The following NFASC variants were observed in gnomAD, a reference collection of about 807,000 sequenced individuals.
The protein encoded by NFASC is neurofascin homolog.
NFASC carries 43 observed loss-of-function variants against 147.5 expected under a neutral mutation model. The observed-to-expected ratio is 0.29, with a 90% CI of 0.23 to 0.38. NFASC has a LOEUF of 0.38. Ranked by LOEUF, NFASC falls within the 10% of genes least tolerant of loss-of-function variation. The pLI, the probability that NFASC is intolerant of heterozygous loss-of-function variation, is 1.00. For synonymous variants in NFASC, 622 were observed against 665.5 expected, an observed-to-expected ratio of 0.93 and a Z score of 1.01; for missense variants, 1,320 against 1,689.0, an observed-to-expected ratio of 0.78 and a Z score of 3.83.
At chr1:204,972,248 T>C (rs1457525164) in intron 11 of NFASC, among the ~76,000 whole-genome samples, 1 of 152,234 alleles carries the variant, frequency 6.6e-6, no homozygotes, top group Non-Finnish European at 1.5e-5. Flanking sequence ...AATGCGTTCA[T>C]GTACTCTGTA....
At chr1:204,943,674 A>G (rs1427859813) in intron 2 of NFASC, among the ~76,000 whole-genome samples, 1 of 152,140 alleles carries the variant, frequency 6.6e-6, no homozygotes, top group Non-Finnish European at 1.5e-5. Flanking sequence ...TCGTCCTGGG[A>G]TCAAAGGACA....
chr1:204,943,096 G>A (rs2093473161), intron 2 of NFASC, among the ~76,000 whole-genome samples: 1 of 152,340 alleles, frequency 6.6e-6, no homozygotes, highest in South Asian at 2.1e-4. Flanking sequence ...ATAGGAGCAG[G>A]AGAATGATGT....
Position 204,997,341 on chromosome 1 carries a change from C to T in NFASC, c.2954C>T (p.Ala985Val). ...TTVATTTTTT[A>V]AATTTTESPP... ...GTCGCCACAACTACTACAACCACTG[C>T]TGCCGCCACCACCACCACGGAGAGT... The change falls in exon 25 of 30, where the codon GCT becomes GTT. Residue 985 changes from alanine (A) to valine (V), a missense_variant. Physicochemically the swap from Ala to Val is moderately conservative, Grantham distance 64. Coordinates refer to ENST00000339876, the MANE Select transcript of NFASC (RefSeq NM_001005388.3). The T allele has an allele frequency of 6.4e-7, 1 of 1,563,676 alleles. No homozygotes were observed. The highest frequency in any genetic ancestry group is 8.7e-7 in the Non-Finnish European group (1 of 1,154,110).
At chr1:204,837,553 A>G (rs1003155654) in intron 1 of NFASC, among the ~76,000 whole-genome samples, 2 of 152,164 alleles carry the variant, frequency 1.3e-5, no homozygotes, top group African/African-American at 4.8e-5. Context: ...GTGTTAGAAG[A>G]AGTGGGTGGG....
chr1:204,899,434 T>C (rs1425468716), intron 1 of NFASC, among the ~76,000 whole-genome samples: 2 of 152,172 alleles, frequency 1.3e-5, no homozygotes, highest in East Asian at 3.9e-4. Flanking sequence ...TCTCTCTCCT[T>C]TCCCCCAGTC....
chr1:204,952,018 G>A lies in NFASC; in HGVS notation c.117G>A (p.Gln39=), dbSNP rs1233784653. ...MDPSIQNELT[Q]PPTITKQSAK... ...CCCTGTGCACTGTTGCAGTGACGCA[G>A]CCGCCAACCATCACCAAGCAGTCAG... is the stretch of plus-strand genomic sequence containing the variant. The change falls in exon 5 of 30, where the codon CAG becomes CAA. Residue 39 remains glutamine, a synonymous_variant. Coordinates refer to ENST00000339876, the MANE Select transcript of NFASC (RefSeq NM_001005388.3). 1 of 1,614,038 alleles carries A rather than the reference G, an allele frequency of 6.2e-7. No homozygotes were observed. The highest frequency in any genetic ancestry group is 2.2e-5 in the East Asian group (1 of 44,868).
chr1:204,952,178 C>A, intron 5 of NFASC, 62 bp downstream of exon 5: 2 of 1,297,838 alleles, frequency 1.5e-6, no homozygotes, highest in Non-Finnish European at 2.2e-6. Flanking sequence ...CTGATGATAA[C>A]TAAGGCAAAT....
In NFASC at chr1:204,979,245, T is replaced by C. The variant is rs761305677; in HGVS notation, c.1979-117T>C. 4.9e-6 allele frequency: 5 copies of C among 1,018,012 alleles called. No homozygotes were observed. The highest frequency in any genetic ancestry group is 1.6e-5 in the African/African-American group (1 of 63,058). 63.1% of individuals were successfully genotyped at this position (1,018,012 alleles called of 1,614,324 possible). A position where few individuals can be genotyped will look rare whatever the true frequency, so the allele number is the denominator to read the frequency against. On this transcript the variant is annotated intron_variant, in intron 18 of 29. Transcript: ENST00000339876. This position sits in a 1 kb window ranked among gnomAD's most constrained non-coding sequence, Gnocchi z 6.0. The stretch of plus-strand genomic sequence containing the variant: ...CCTGTGCCTTGGGAAGAATTCTCCT[T>C]GTGCCTTTGTGTGAGAGAGATTATA...
chr1:204,951,415 C>G (rs1345090585), intron 4 of NFASC, among the ~76,000 whole-genome samples: 2 of 150,524 alleles, frequency 1.3e-5, no homozygotes, highest in Admixed American at 1.3e-4. Context: ...CCATCCGCCT[C>G]AGCCTCTCAA....
chr1:204,847,804 T>C (rs1454699988), intron 1 of NFASC, among the ~76,000 whole-genome samples: 1 of 152,156 alleles, frequency 6.6e-6, no homozygotes, highest in African/African-American at 2.4e-5. Context: ...TTACTTCTTT[T>C]CCCATGAGCG....
At chr1:204,951,318 T>C in intron 4 of NFASC, among the ~76,000 whole-genome samples, 1 of 103,196 alleles carries the variant, frequency 9.7e-6, no homozygotes, top group African/African-American at 5.3e-5. Context: ...CCGGCTAATT[T>C]TTTTTTTTTT....
At chr1:205,003,292 T>C (rs539566842) in intron 27 of NFASC, among the ~76,000 whole-genome samples, 3 of 152,340 alleles carry the variant, frequency 2.0e-5, no homozygotes, top group Non-Finnish European at 4.4e-5. Context: ...GTCCCAAATT[T>C]GTCTTGGCCT....
chr1:204,899,409 G>A (rs1052265130), intron 1 of NFASC, among the ~76,000 whole-genome samples: 3 of 124,418 alleles, frequency 2.4e-5, no homozygotes, highest in Admixed American at 1.5e-4. Flanking sequence ...GCCGGCAGCT[G>A]GGCAACACTC....
chr1:204,912,935 G>C (rs2088011517), intron 1 of NFASC, among the ~76,000 whole-genome samples: 1 of 152,146 alleles, frequency 6.6e-6, no homozygotes, highest in Non-Finnish European at 1.5e-5. Flanking sequence ...AGCTGAGATG[G>C]AAGGGTCACT....
At chr1:204,915,003 C>A (rs1316543225) in intron 1 of NFASC, among the ~76,000 whole-genome samples, 1 of 152,112 alleles carries the variant, frequency 6.6e-6, no homozygotes, top group Non-Finnish European at 1.5e-5. Context: ...GCACGCTGGG[C>A]GCGGTGGCTC....
intron 8 of NFASC, among the ~76,000 whole-genome samples, chr1:204,960,336 C>A (rs1476675546): frequency 6.6e-6 from 1 of 152,182 alleles, no homozygotes; most frequent in Non-Finnish European, 1.5e-5. Context: ...GGGATGCAGT[C>A]AAAGATAAGC....
intron 21 of NFASC, among the ~76,000 whole-genome samples, chr1:204,983,609 T>C (rs11240323): frequency 0.36 from 53,978 of 151,880 alleles, 9,891 homozygotes; most frequent in Middle Eastern, 0.48. Flanking sequence ...CCCTTCCTCT[T>C]CTCCTGCCCT....
chr1:204,966,295 C>T (rs775483602), intron 8 of NFASC, among the ~76,000 whole-genome samples: 2 of 151,974 alleles, frequency 1.3e-5, no homozygotes, highest in Non-Finnish European at 1.5e-5. Context: ...CTGGTGGTGT[C>T]GCGCGTTATG....
intron 1 of NFASC, among the ~76,000 whole-genome samples, chr1:204,860,654 A>G (rs577015432): frequency 8.5e-5 from 13 of 152,352 alleles, no homozygotes; most frequent in Admixed American, 5.9e-4. Flanking sequence ...TACATTTACA[A>G]TGCTGTGCAA....
Sources: allele counts gnomAD v4.1 joint callset (sites outside exome capture counted in the v4.1 genomes callset), GRCh38; gene constraint gnomAD v4.1.1; non-coding constraint Gnocchi (gnomAD v3.1); transcripts MANE v1.5; gene names NCBI Gene and HGNC (gene_info 2026-07-23, HGNC 2026-07-21).